Variants in BACH2 observed in about 807,000 individuals in gnomAD.
BACH2 encodes BACH transcriptional regulator 2, also known as transcription regulator protein BACH2.
Under a neutral mutation model 61.8 loss-of-function variants are expected in BACH2, and 5 were observed. The ratio of observed to expected loss-of-function variants is 0.08; its 90% CI spans 0.04 to 0.17. The LOEUF is 0.17. Ranked by LOEUF, BACH2 falls within the 10% of genes least tolerant of loss-of-function variation. The probability of loss-of-function intolerance (pLI) is 1.00; values close to 1 mark genes in which losing one functional copy is unlikely to be tolerated. For missense variants in BACH2, 824 were observed against 1,091.1 expected, an observed-to-expected ratio of 0.76 and a Z score of 3.45; for synonymous variants, 446 against 440.1, an observed-to-expected ratio of 1.01 and a Z score of -0.17.
At chr6:89,980,911 T>C (rs1775915154) in intron 6 of BACH2, among the ~76,000 whole-genome samples, 1 of 152,196 alleles carries the variant, frequency 6.6e-6, no homozygotes, top group Non-Finnish European at 1.5e-5. Context: ...AGTTTTTTTT[T>C]TTTTAACCAG....
chr6:90,221,861 G>A (rs77879952), intron 3 of BACH2, among the ~76,000 whole-genome samples: 2,877 of 152,192 alleles, frequency 0.019, 52 homozygotes, highest in Non-Finnish European at 0.027. Flanking sequence ...GGACAGGAAG[G>A]GCTGGGAGAT....
At chr6:90,230,617 C>G (rs1770063961) in intron 3 of BACH2, among the ~76,000 whole-genome samples, 1 of 152,160 alleles carries the variant, frequency 6.6e-6, no homozygotes, top group Admixed American at 6.5e-5. Flanking sequence ...ATCATTTTTT[C>G]TCTTTCTTTT....
At position 90,109,162 on chromosome 6, in the gene BACH2, T is replaced by G. The variant is rs139365543; in HGVS notation, c.-161-20053A>C. On this transcript the variant is annotated intron_variant, in intron 4 of 8. Transcript: ENST00000257749. Reference sequence around the variant, plus strand: ...TTCTCTTTCTTTCCTTAACCTGTTGTAGATTTTTTTTTGTCACTCCAGAGA... The same window carrying G: ...TTCTCTTTCTTTCCTTAACCTGTTGGAGATTTTTTTTTGTCACTCCAGAGA... 1.7e-3 allele frequency among the ~76,000 whole-genome samples: 254 copies of G among 152,302 alleles called. No individual in the cohort carries two copies. The Middle Eastern group carries it at 0.017, about 10-fold the overall frequency.
chr6:90,037,763 A>G (rs555351892), intron 5 of BACH2, among the ~76,000 whole-genome samples: 1 of 152,336 alleles, frequency 6.6e-6, no homozygotes, highest in African/African-American at 2.4e-5. Context: ...TTTGGAAATA[A>G]TATCATTGCA....
intron 5 of BACH2, among the ~76,000 whole-genome samples, chr6:90,071,802 T>C (rs1349385638): frequency 2.0e-5 from 3 of 152,254 alleles, no homozygotes; most frequent in African/African-American, 4.8e-5. Flanking sequence ...ACATATTTTG[T>C]ATGTTATATG....
At chr6:90,187,825 C>T (rs572179468) in intron 4 of BACH2, among the ~76,000 whole-genome samples, 14 of 152,320 alleles carry the variant, frequency 9.2e-5, no homozygotes, top group African/African-American at 3.4e-4. Context: ...CTCTCACAAC[C>T]GATCTTTGGT....
chr6:90,169,396 C>T (rs747218943), intron 4 of BACH2, among the ~76,000 whole-genome samples: 5 of 152,104 alleles, frequency 3.3e-5, no homozygotes, highest in Admixed American at 6.5e-5. Context: ...TCATGAATAA[C>T]GTTCTGCAAT....
rs1782049738 is a variant in BACH2 at position 90,089,085 on chromosome 6, T to G, written c.-137A>C. On this transcript the variant is annotated 5_prime_UTR_variant, in exon 5 of 9. Coordinates refer to ENST00000257749, the MANE Select transcript of BACH2 (RefSeq NM_021813.4). ...GACCCCAAAGTTTTGTGGGGCAACC[T>G]TGTGACAGGTCAGTGAGTGTCCACC... 6.6e-6 allele frequency: 1 copy of G among 152,268 alleles called. No homozygotes were observed. The highest frequency in any genetic ancestry group is 2.1e-4 in the South Asian group (1 of 4,822). The allele number at this position is 152,268 out of a possible 1,614,324, so 9.4% of individuals were successfully genotyped here. A position where few individuals can be genotyped will look rare whatever the true frequency, so the allele number is the denominator to read the frequency against.
In BACH2 at chr6:89,932,019, A is replaced by G. The variant is rs1772681109; in HGVS notation, c.*389T>C. 1 of 180,276 alleles carries G rather than the reference A, an allele frequency of 5.5e-6. No homozygotes were observed. Among genetic ancestry groups the G allele is most frequent in the Admixed American group, 5.4e-5 (1 of 18,560 alleles). 11.2% of individuals were successfully genotyped at this position (180,276 alleles called of 1,614,324 possible). A position where few individuals can be genotyped will look rare whatever the true frequency, so the allele number is the denominator to read the frequency against. On this transcript the variant is annotated 3_prime_UTR_variant, in exon 9 of 9. Transcript: ENST00000257749. ...GCTATAAAACTTTGATGTGTATAGA[A>G]GCTGTCTTCAATGAAAAAAATTGAA... is the stretch of plus-strand genomic sequence containing the variant.
At chr6:90,174,052 T>C (rs1767908620) in intron 4 of BACH2, among the ~76,000 whole-genome samples, 1 of 152,136 alleles carries the variant, frequency 6.6e-6, no homozygotes, top group Admixed American at 6.5e-5. Context: ...TTTAATTCCC[T>C]GGGAAGATAT....
At chr6:90,098,158 T>C (rs918855717) in intron 4 of BACH2, among the ~76,000 whole-genome samples, 1 of 152,218 alleles carries the variant, frequency 6.6e-6, no homozygotes, top group African/African-American at 2.4e-5. Flanking sequence ...GCTGTCTCCA[T>C]CATTCTAGTC....
chr6:89,999,619 T>C (rs1562357825), intron 6 of BACH2, among the ~76,000 whole-genome samples: 1 of 152,196 alleles, frequency 6.6e-6, no homozygotes, highest in Non-Finnish European at 1.5e-5. Flanking sequence ...ATAATAGTTA[T>C]GATGACTGAT....
intron 4 of BACH2, among the ~76,000 whole-genome samples, chr6:90,178,310 C>T (rs1768045838): frequency 6.6e-6 from 1 of 152,168 alleles, no homozygotes; most frequent in Non-Finnish European, 1.5e-5. Context: ...TAGTATACTA[C>T]ATCTTAAACA....
intron 1 of BACH2, among the ~76,000 whole-genome samples, chr6:90,291,631 A>C (rs1275980615): frequency 6.6e-6 from 1 of 151,368 alleles, no homozygotes; most frequent in African/African-American, 2.4e-5. Flanking sequence ...AAAAGGTGAA[A>C]GTTGAGTTGT....
chr6:90,068,826 T>C (rs1397229375), intron 5 of BACH2, among the ~76,000 whole-genome samples: 1 of 152,152 alleles, frequency 6.6e-6, no homozygotes, highest in Non-Finnish European at 1.5e-5. Context: ...TTCTGACTTT[T>C]ATATGGACAA....
At chr6:89,957,432 G>A (rs902315541) in intron 6 of BACH2, among the ~76,000 whole-genome samples, 1 of 152,172 alleles carries the variant, frequency 6.6e-6, no homozygotes, top group African/African-American at 2.4e-5. Flanking sequence ...GTCTCCCTAT[G>A]TTGCCCAGGC....
chr6:90,096,994 AG>A (rs1782407349), intron 4 of BACH2, among the ~76,000 whole-genome samples: 1 of 152,176 alleles, frequency 6.6e-6, no homozygotes, highest in African/African-American at 2.4e-5. Flanking sequence ...TGGCACTGTC[AG>A]GGCTGACTCC....
chr6:90,199,183 C>T (rs149095982), intron 4 of BACH2, among the ~76,000 whole-genome samples: 9 of 152,290 alleles, frequency 5.9e-5, no homozygotes, highest in African/African-American at 2.2e-4. Flanking sequence ...GAAGTAGACA[C>T]CAGCCAGTGC....
intron 5 of BACH2, among the ~76,000 whole-genome samples, chr6:90,032,143 G>C (rs960699086): frequency 2.0e-5 from 3 of 151,860 alleles, no homozygotes; most frequent in African/African-American, 7.3e-5. Context: ...TGGGAAAACT[G>C]GTTAGCCATA....
Sources: allele counts gnomAD v4.1 joint callset (sites outside exome capture counted in the v4.1 genomes callset), GRCh38; gene constraint gnomAD v4.1.1; transcripts MANE v1.5; gene names NCBI Gene and HGNC (gene_info 2026-07-23, HGNC 2026-07-21).